The following TNIK variants were observed in gnomAD, a reference collection of about 807,000 sequenced individuals.
The protein encoded by TNIK is TRAF2 and NCK-interacting protein kinase.
Under a neutral mutation model 191.3 loss-of-function variants are expected in TNIK, and 49 were observed. The ratio of observed to expected loss-of-function variants is 0.26; its 90% CI spans 0.20 to 0.32. The LOEUF is 0.32. Among genes scored for constraint, TNIK ranks in the 10% least tolerant of loss-of-function variants. The pLI, the probability that TNIK is intolerant of heterozygous loss-of-function variation, is 1.00. For missense variants in TNIK, 1,155 were observed against 1,702.3 expected (o/e 0.68, Z 5.66); for synonymous variants, 594 against 600.9 (o/e 0.99, Z 0.17).
chr3:171,176,927 A>G (rs1359337637), intron 8 of TNIK, among the ~76,000 whole-genome samples: 1 of 152,214 alleles, frequency 6.6e-6, no homozygotes, highest in Admixed American at 6.5e-5. Context: ...AGTGATAGCC[A>G]TTGAGTGGAG....
At chr3:171,096,029 T>G (rs558680515) in intron 22 of TNIK, among the ~76,000 whole-genome samples, 34 of 152,350 alleles carry the variant, frequency 2.2e-4, no homozygotes, top group African/African-American at 7.7e-4. Context: ...CTCTTCTTTC[T>G]TCCTTTGTGC....
At chr3:171,078,053 TA>T in intron 28 of TNIK, among the ~76,000 whole-genome samples, 1 of 152,316 alleles carries the variant, frequency 6.6e-6, no homozygotes, top group Non-Finnish European at 1.5e-5. Context: ...CTATTGTATG[TA>T]AACTGTTTGT....
At chr3:171,121,777 C>T (rs1019129705) in intron 18 of TNIK, among the ~76,000 whole-genome samples, 7 of 152,212 alleles carry the variant, frequency 4.6e-5, no homozygotes, top group South Asian at 4.2e-4. Context: ...AATCTAGAAC[C>T]GCAAATCTGA....
chr3:171,350,907 C>T (rs1400058794), intron 2 of TNIK, among the ~76,000 whole-genome samples: 1 of 152,140 alleles, frequency 6.6e-6, no homozygotes, highest in African/African-American at 2.4e-5. Flanking sequence ...TTTTAACCTG[C>T]TGCTTCCCAT....
At chr3:171,395,242 G>A (rs1577762548) in intron 1 of TNIK, among the ~76,000 whole-genome samples, 2 of 152,086 alleles carry the variant, frequency 1.3e-5, no homozygotes, top group Non-Finnish European at 2.9e-5. Context: ...GTGAAATTCC[G>A]GATCTATCCC....
intron 1 of TNIK, among the ~76,000 whole-genome samples, chr3:171,406,008 A>G (rs775444838): frequency 6.6e-5 from 10 of 152,248 alleles, no homozygotes; most frequent in Non-Finnish European, 1.2e-4. Flanking sequence ...AGATACAGCT[A>G]TAAGTAAAAC....
At chr3:171,384,457 G>C (rs867593853) in intron 1 of TNIK, among the ~76,000 whole-genome samples, 2 of 152,144 alleles carry the variant, frequency 1.3e-5, no homozygotes, top group South Asian at 2.1e-4. Flanking sequence ...CAGACCTACT[G>C]CATCAGGATT....
intron 2 of TNIK, among the ~76,000 whole-genome samples, chr3:171,301,196 C>G (rs965882735): frequency 9.2e-5 from 14 of 151,822 alleles, no homozygotes; most frequent in African/African-American, 3.1e-4. Flanking sequence ...GAAGGATAAG[C>G]ATTGCCTACA....
At chr3:171,172,697 TC>T (rs1403913247) in intron 9 of TNIK, among the ~76,000 whole-genome samples, 1 of 152,162 alleles carries the variant, frequency 6.6e-6, no homozygotes, top group African/African-American at 2.4e-5. Flanking sequence ...GTTTCCCCGG[TC>T]TCTCTCTAGC....
chr3:171,417,080 T>A (rs544713805), intron 1 of TNIK, among the ~76,000 whole-genome samples: 13 of 152,366 alleles, frequency 8.5e-5, no homozygotes, highest in African/African-American at 2.9e-4. Context: ...GTCTCTGTGC[T>A]ACAAAATGTA....
intron 1 of TNIK, among the ~76,000 whole-genome samples, chr3:171,426,752 C>T (rs976360599): frequency 3.3e-5 from 5 of 152,054 alleles, no homozygotes; most frequent in East Asian, 3.9e-4. Flanking sequence ...ACTGTCAACC[C>T]GTCTTTACTT....
Position 171,211,112 on chromosome 3 carries a change from A to G in TNIK, c.306+4T>C, listed in dbSNP as rs1740761637. The G allele has an allele frequency of 6.2e-7, 1 of 1,612,052 alleles. No homozygotes were observed. The highest frequency in any genetic ancestry group is 8.5e-7 in the Non-Finnish European group (1 of 1,179,324). On this transcript the variant is annotated splice_donor_region_variant and intron_variant, in intron 4 of 32. Transcript: ENST00000436636. ...ATAAAGCAAATTTGGACGGCAGTACATACCCAAAGTTGGTCATCCATGCCT... is the reference window on the plus strand; with the variant it reads ...ATAAAGCAAATTTGGACGGCAGTACGTACCCAAAGTTGGTCATCCATGCCT...
At chr3:171,140,077 G>A (rs1488335523) in intron 13 of TNIK, among the ~76,000 whole-genome samples, 1 of 152,190 alleles carries the variant, frequency 6.6e-6, no homozygotes, top group African/African-American at 2.4e-5. Flanking sequence ...GAGTAGAAAA[G>A]CTCTTCTGAA....
At chr3:171,220,199 G>C (rs904570027) in intron 3 of TNIK, among the ~76,000 whole-genome samples, 1 of 151,982 alleles carries the variant, frequency 6.6e-6, no homozygotes, top group Non-Finnish European at 1.5e-5. Flanking sequence ...CAATGAGAAC[G>C]CAAGGACACA....
intron 21 of TNIK, 45 bp from the exon 22 acceptor site, chr3:171,101,678 C>T (rs1723589490): frequency 6.3e-7 from 1 of 1,583,126 alleles, no homozygotes. Flanking sequence ...TAGATACGAC[C>T]AAAGCTACAT....
intron 12 of TNIK, among the ~76,000 whole-genome samples, chr3:171,145,344 C>T (rs1731414343): frequency 6.6e-6 from 1 of 152,082 alleles, no homozygotes; most frequent in African/African-American, 2.4e-5. Context: ...CCTCGGCCTC[C>T]CAAAGTGCTG....
At chr3:171,064,944 G>A (rs938007354) in intron 32 of TNIK, among the ~76,000 whole-genome samples, 2 of 152,174 alleles carry the variant, frequency 1.3e-5, no homozygotes, top group African/African-American at 2.4e-5. Flanking sequence ...GCTACTCTTA[G>A]GGTCAATGAA....
intron 2 of TNIK, among the ~76,000 whole-genome samples, chr3:171,232,243 G>A (rs1743744389): frequency 6.6e-6 from 1 of 151,962 alleles, no homozygotes; most frequent in African/African-American, 2.4e-5. Flanking sequence ...CCAGCTACTT[G>A]GGAGGCTGAG....
chr3:171,142,851 C>A (rs1449032020), intron 12 of TNIK, among the ~76,000 whole-genome samples: 2 of 152,186 alleles, frequency 1.3e-5, no homozygotes, highest in African/African-American at 2.4e-5. Context: ...GCTAATATTT[C>A]AAATTTCTTA....
Sources: gnomAD v4.1 joint callset for allele counts (sites outside exome capture counted in the v4.1 genomes callset) on GRCh38, gnomAD v4.1.1 for gene constraint, MANE v1.5 for transcripts, NCBI Gene and HGNC (gene_info 2026-07-23, HGNC 2026-07-21) for gene names.